DDHD2: variants seen among roughly 807,000 people sequenced by gnomAD.
The protein encoded by DDHD2 is triacylglycerol hydrolase DDHD2.
A neutral mutation model predicts 91.2 loss-of-function variants in DDHD2; 62 were observed. That is an observed-to-expected ratio of 0.68 (90% CI 0.55 to 0.84). DDHD2 has a LOEUF of 0.84. Among genes scored for constraint, DDHD2 ranks in the 40% least tolerant of loss-of-function variants. DDHD2 has a pLI of 0.00. For missense variants in DDHD2, 740 were observed against 846.9 expected, an observed-to-expected ratio of 0.87 and a Z score of 1.57; for synonymous variants, 271 against 293.9, an observed-to-expected ratio of 0.92 and a Z score of 0.80.
At chr8:38,267,994 T>C in intron 1 of DDHD2, 2 of 1,613,850 alleles carry the variant, frequency 1.2e-6, no homozygotes, top group Non-Finnish European at 1.7e-6. Flanking sequence ...AAAGGATCTG[T>C]CTAGGAGGAA....
intron 8 of DDHD2, 130 bp from the exon 9 acceptor site, chr8:38,246,103 A>T: frequency 9.1e-7 from 1 of 1,098,942 alleles, no homozygotes; most frequent in Non-Finnish European, 1.4e-6. Context: ...GGTGGCGGTA[A>T]ATTGGAAAGA....
At chr8:38,241,280 A>G (rs2130789706) in intron 6 of DDHD2, among the ~76,000 whole-genome samples, 1 of 152,054 alleles carries the variant, frequency 6.6e-6, no homozygotes, top group East Asian at 1.9e-4. Context: ...AAGAACCAGA[A>G]AGTTAGGGTA....
Position 38,249,780 on chromosome 8 carries a change from T to A in DDHD2, c.1321T>A (p.Phe441Ile). The A allele has an allele frequency of 6.2e-7, 1 of 1,611,278 alleles. No homozygotes were observed. The highest frequency in any genetic ancestry group is 1.1e-5 in the South Asian group (1 of 90,956). The change falls in exon 11 of 18, where the codon TTC becomes ATC. Residue 441 changes from phenylalanine (F) to isoleucine (I), a missense_variant. By Grantham distance (21) the Phe-to-Ile change is conservative. Transcript: ENST00000397166. Reference protein sequence around the residue: ...LGPRKKILNYFSTRKNSMGIK... With the variant: ...LGPRKKILNYISTRKNSMGIK... ...ACCAAGAAAGAAGATATTAAACTAT[T>A]TCAGCACCAGAAAAAACTCAATGGT...
At chr8:38,260,277 T>A in intron 17 of DDHD2, 130 bp downstream of exon 17, 1 of 516,478 alleles carries the variant, frequency 1.9e-6, no homozygotes, top group Non-Finnish European at 3.4e-6. Context: ...CTGCTATTCA[T>A]TTTTAGAGGG....
chr8:38,247,024 C>T (rs552559060), intron 9 of DDHD2: 1 of 152,268 alleles, frequency 6.6e-6, no homozygotes, highest in African/African-American at 2.4e-5. Context: ...CATGTATCAT[C>T]TGTAGGATTG....
intron 3 of DDHD2, among the ~76,000 whole-genome samples, chr8:38,235,213 G>T (rs1804617985): frequency 6.6e-6 from 1 of 151,958 alleles, no homozygotes; most frequent in South Asian, 2.1e-4. Flanking sequence ...ATCCTTGAAA[G>T]GAAAATATTG....
At chr8:38,242,796 AT>A (rs1230317553) in intron 7 of DDHD2, among the ~76,000 whole-genome samples, 3 of 152,238 alleles carry the variant, frequency 2.0e-5, no homozygotes, top group Admixed American at 6.5e-5. Context: ...TTTCTCAAAC[AT>A]TAAACTACTA....
At chr8:38,256,023 G>T (rs1251814983) in intron 16 of DDHD2, among the ~76,000 whole-genome samples, 1 of 152,090 alleles carries the variant, frequency 6.6e-6, no homozygotes, top group Non-Finnish European at 1.5e-5. Flanking sequence ...AATTTGTTGG[G>T]TGAAAATGTA....
intron 1 of DDHD2, among the ~76,000 whole-genome samples, chr8:38,269,398 G>A (rs555008162): frequency 1.3e-5 from 2 of 152,372 alleles, no homozygotes; most frequent in South Asian, 4.1e-4. Flanking sequence ...GGTGCGTTCA[G>A]CAGGGAGCCA....
chr8:38,256,914 C>T (rs1322759826), intron 16 of DDHD2, among the ~76,000 whole-genome samples: 1 of 151,968 alleles, frequency 6.6e-6, no homozygotes, highest in East Asian at 1.9e-4. Context: ...TCCACATCAA[C>T]TTTTTTTTAT....
chr8:38,269,197 C>T (rs1808307867), intron 1 of DDHD2: 4 of 1,499,894 alleles, frequency 2.7e-6, no homozygotes, highest in Non-Finnish European at 2.6e-6. Context: ...CCGCCTTCCC[C>T]ATCCGGCCGC....
At position 38,269,389 on chromosome 8, in the gene DDHD2, G is replaced by T. The variant is rs536523525; in HGVS notation, n.88-1733G>T. 7.2e-5 allele frequency: 43 copies of T among 594,032 alleles called. No individual in the cohort carries two copies. The South Asian group carries it at 1.1e-3, about 16-fold the overall frequency. The allele number at this position is 594,032 out of a possible 1,614,324, so 36.8% of individuals were successfully genotyped here. Reference sequence around the variant, plus strand: ...GCAAAGCCAGCGGAGCTGCCCTCTGGTGCGTTCAGCAGGGAGCCAGCGCCC... The same window carrying T: ...GCAAAGCCAGCGGAGCTGCCCTCTGTTGCGTTCAGCAGGGAGCCAGCGCCC... On this transcript the variant is annotated intron_variant and non_coding_transcript_variant, in intron 1 of 1. Coordinates refer to the DDHD2 transcript ENST00000526071.
chr8:38,235,871 G>GCGCACACA (rs1554511661), intron 3 of DDHD2, among the ~76,000 whole-genome samples: 529 of 50,428 alleles, frequency 0.01, 3 homozygotes, highest in African/African-American at 0.031. Context: ...AAAAGTACAC[G>GCGCACACA]CGCACACACA....
Position 38,269,074 on chromosome 8 carries a change from C to T in DDHD2, n.88-2048C>T, listed in dbSNP as rs1585834630. 2.0e-6 allele frequency: 3 copies of T among 1,526,274 alleles called. No individual in the cohort carries two copies. The Admixed American group carries it at 6.2e-5, about 31-fold the overall frequency. 94.5% of individuals were successfully genotyped at this position (1,526,274 alleles called of 1,614,324 possible). ...TGCCCGACCCGCCGCCCCGTGCCGC[C>T]CGCCTGCCTGGGAAGCGGGGCCGCC... On this transcript the variant is annotated intron_variant and non_coding_transcript_variant, in intron 1 of 1. Coordinates refer to the DDHD2 transcript ENST00000526071.
At chr8:38,268,645 A>G in intron 1 of DDHD2, 1 of 1,436,084 alleles carries the variant, frequency 7.0e-7, no homozygotes. Flanking sequence ...GGGCCCCGGT[A>G]CCTCAGGCTG....
chr8:38,266,852 G>A (rs1244936718), downstream of DDHD2: 1 of 233,058 alleles, frequency 4.3e-6, no homozygotes, highest in Non-Finnish European at 8.1e-6. Context: ...GTATCAACTT[G>A]TTGATGCTTT....
In DDHD2 at chr8:38,252,811, G is replaced by A; in HGVS notation, c.1707G>A (p.Lys569=). The A allele has an allele frequency of 2.5e-6, 4 of 1,614,098 alleles. No homozygotes were observed. In the South Asian group the frequency reaches 4.4e-5, roughly 18 times the overall value. The change falls in exon 14 of 18, where the codon AAG becomes AAA. Residue 569 remains lysine, a synonymous_variant. Transcript: ENST00000397166. The part of the protein sequence containing the change: ...PMLIPHHKGR[K]RMHLELREGL... ...TGATCCCACATCATAAAGGCAGGAA[G>A]CGGATGCACTTAGGTAAGTCCGAGC...
At position 38,247,816 on chromosome 8, in the gene DDHD2, AAGT is replaced by A; in HGVS notation, c.1232_1234del (p.Val411del). 1 of 1,568,964 alleles carries A rather than the reference AAGT, an allele frequency of 6.4e-7. No homozygotes were observed. Among genetic ancestry groups the A allele is most frequent in the South Asian group, 1.2e-5 (1 of 83,478 alleles). ...TTCTTTGATATCTTTGAGAAGGAGA[AAGT>A]AGATAAGGAAGCTCTGGTAAAAATA... On this transcript the variant is annotated inframe_deletion, in exon 10 of 18. Transcript: ENST00000397166.
Position 38,260,078 on chromosome 8 carries a change from T to C in DDHD2, c.2093T>C (p.Ile698Thr). 1 of 1,613,758 alleles carries C rather than the reference T, an allele frequency of 6.2e-7. No individual in the cohort carries two copies. The highest frequency in any genetic ancestry group is 8.5e-7 in the Non-Finnish European group (1 of 1,179,692). ...EDTVLLVLKE[I>T]YQTQGIFLDQ... ...ACAGTATTGCTCGTCCTCAAAGAGA[T>C]CTACCAAACCCAGGGTATCTTCCTT... Residue 698 changes from isoleucine to threonine, a missense_variant, in exon 17 of 18, where the codon ATC (isoleucine) becomes ACC (threonine). Physicochemically the swap from Ile to Thr is moderately conservative, Grantham distance 89. Transcript: ENST00000397166.
Sources: gnomAD v4.1 joint callset for allele counts (sites outside exome capture counted in the v4.1 genomes callset) on GRCh38, gnomAD v4.1.1 for gene constraint, MANE v1.5 for transcripts, NCBI Gene and HGNC (gene_info 2026-07-23, HGNC 2026-07-21) for gene names.